PARD6B: variants seen among roughly 807,000 people sequenced by gnomAD.
PARD6B encodes the protein par-6 family cell polarity regulator beta.
A neutral mutation model predicts 10.5 loss-of-function variants in PARD6B; 4 were observed. The ratio of observed to expected loss-of-function variants is 0.38; its 90% confidence interval spans 0.19 to 0.87. The LOEUF is 0.87. PARD6B is among the 40% of genes least tolerant of loss of function. PARD6B has a pLI of 0.41. For missense variants in PARD6B, 396 were observed against 470.6 expected (o/e 0.84, Z 1.47); for synonymous variants, 169 against 170.4 (o/e 0.99, Z 0.07).
intron 1 of PARD6B, 45 bp from the exon 2 acceptor site, chr20:50,737,812 T>C: frequency 7.5e-7 from 1 of 1,331,270 alleles, no homozygotes; most frequent in Admixed American, 2.7e-5. Flanking sequence ...TGGGTCCTTT[T>C]ACTTTTTTTT....
intron 1 of PARD6B, among the ~76,000 whole-genome samples, chr20:50,735,722 C>T (rs1417862713): frequency 6.6e-6 from 1 of 152,068 alleles, no homozygotes; most frequent in African/African-American, 2.4e-5. Context: ...TGAAGCCATA[C>T]AATTTTTTAT....
At chr20:50,732,877 A>G (rs1233838347) in intron 1 of PARD6B, among the ~76,000 whole-genome samples, 1 of 149,512 alleles carries the variant, frequency 6.7e-6, no homozygotes, top group Non-Finnish European at 1.5e-5. Flanking sequence ...AAAACACAGA[A>G]AAGGAGAAAA....
chr20:50,750,822 C>T lies in PARD6B; in HGVS notation c.*334C>T, dbSNP rs952321016. The T allele has an allele frequency of 6.5e-6, 7 of 1,072,630 alleles. No homozygotes were observed. The East Asian group carries it at 3.6e-4, about 54-fold the overall frequency. 66.4% of individuals were successfully genotyped at this position (1,072,630 alleles called of 1,614,324 possible). A position where few individuals can be genotyped will look rare whatever the true frequency, so the allele number is the denominator to read the frequency against. The stretch of plus-strand genomic sequence containing the variant: ...TGTTGGAAGTGGTTGCATATTTAAC[C>T]TGCTGTGCAGAGCCCAGTTAATTTT... On this transcript the variant is annotated 3_prime_UTR_variant, in exon 3 of 3. Transcript: ENST00000371610.
In PARD6B at chr20:50,750,255, A is replaced by G. The variant is rs1220834633; in HGVS notation, c.886A>G (p.Ile296Val). The G allele has an allele frequency of 1.2e-6, 2 of 1,614,216 alleles. No homozygotes were observed. The highest frequency in any genetic ancestry group is 1.7e-6 in the Non-Finnish European group (2 of 1,180,038). The change falls in exon 3 of 3, where the codon ATT (isoleucine) becomes GTT (valine). Residue 296 changes from isoleucine to valine, a missense_variant. By Grantham distance (29) the Ile-to-Val change is conservative (BLOSUM62 3). Transcript: ENST00000371610. ...GGATGAAGACAGCGAAGAAGATGAC[A>G]TTATCATTGAAGACAATGGAGTGCC... ...PEDEDSEEDD[I>V]IIEDNGVPQQ...
intron 1 of PARD6B, among the ~76,000 whole-genome samples, chr20:50,734,333 A>C (rs1300117524): frequency 6.6e-6 from 1 of 152,036 alleles, no homozygotes; most frequent in Non-Finnish European, 1.5e-5. Context: ...TTTATAACCA[A>C]AACTAGGTAG....
intron 1 of PARD6B, among the ~76,000 whole-genome samples, chr20:50,737,551 A>G (rs931459421): frequency 2.0e-5 from 3 of 152,166 alleles, no homozygotes; most frequent in African/African-American, 4.8e-5. Flanking sequence ...GGCTCCAGAC[A>G]GGGTTTGAGC....
intron 2 of PARD6B, among the ~76,000 whole-genome samples, chr20:50,745,128 T>G (rs2087559019): frequency 1.3e-5 from 2 of 152,202 alleles, no homozygotes; most frequent in South Asian, 4.1e-4. Flanking sequence ...ATATTTAATC[T>G]TTTTAAAGTT....
chr20:50,735,641 G>A (rs1009703285), intron 1 of PARD6B, among the ~76,000 whole-genome samples: 11 of 152,120 alleles, frequency 7.2e-5, no homozygotes, highest in African/African-American at 2.7e-4. Flanking sequence ...TTGTTGTGTT[G>A]CAAGAAGCAT....
chr20:50,740,858 T>G (rs1466661080), intron 2 of PARD6B, among the ~76,000 whole-genome samples: 1 of 152,224 alleles, frequency 6.6e-6, no homozygotes, highest in African/African-American at 2.4e-5. Flanking sequence ...AAATCCCTTC[T>G]GATTTGGACT....
chr20:50,742,879 C>G (rs532683795), intron 2 of PARD6B, among the ~76,000 whole-genome samples: 5 of 152,268 alleles, frequency 3.3e-5, no homozygotes, highest in African/African-American at 4.8e-5. Context: ...ACCCCATACT[C>G]TATTCCTAGA....
intron 2 of PARD6B, 59 bp from the exon 3 acceptor site, chr20:50,749,600 G>A (rs566853493): frequency 2.9e-6 from 4 of 1,377,618 alleles, no homozygotes; most frequent in Non-Finnish European, 2.9e-6. Flanking sequence ...AGATTCAGCT[G>A]CAAGTGAATA....
At chr20:50,734,468 T>C (rs1160146869) in intron 1 of PARD6B, among the ~76,000 whole-genome samples, 1 of 152,074 alleles carries the variant, frequency 6.6e-6, no homozygotes, top group Non-Finnish European at 1.5e-5. Flanking sequence ...GATTTCAGCC[T>C]CCTGAGTAGC....
At position 50,750,169 on chromosome 20, in the gene PARD6B, A is replaced by G. The variant is rs1223069046; in HGVS notation, c.800A>G (p.Gln267Arg). ...AGTCGGACTTCTGGCAGTTCCGGTCAGTCTACTGATAACAGCCTTCTTGGC... is the reference window on the plus strand; with the variant it reads ...AGTCGGACTTCTGGCAGTTCCGGTCGGTCTACTGATAACAGCCTTCTTGGC... The part of the protein sequence containing the change: ...RNSRTSGSSG[Q>R]STDNSLLGYP... Residue 267 changes from glutamine (Q) to arginine (R), a missense_variant, in exon 3 of 3, where the codon CAG becomes CGG. Gln to Arg is a conservative substitution (Grantham distance 43, BLOSUM62 1). Coordinates refer to ENST00000371610, the MANE Select transcript of PARD6B (RefSeq NM_032521.3). 8.7e-6 allele frequency: 14 copies of G among 1,614,266 alleles called. No homozygotes were observed. Among genetic ancestry groups the G allele is most frequent in the Non-Finnish European group, 1.2e-5 (14 of 1,180,044 alleles).
intron 2 of PARD6B, among the ~76,000 whole-genome samples, chr20:50,743,630 T>G (rs1157855020): frequency 6.6e-6 from 1 of 152,148 alleles, no homozygotes; most frequent in Non-Finnish European, 1.5e-5. Flanking sequence ...AATTACAGCC[T>G]GTAATCCCAG....
intron 1 of PARD6B, 58 bp downstream of exon 1, chr20:50,731,910 G>C: frequency 1.5e-6 from 2 of 1,320,698 alleles, no homozygotes; most frequent in Non-Finnish European, 1.9e-6. Context: ...GCCTGGGAGA[G>C]GCCGGGCCAG....
At position 50,753,073 on chromosome 20, in the gene PARD6B, CTCTT is replaced by C. The variant is rs1042187965; in HGVS notation, c.*2587_*2590del. On this transcript the variant is annotated 3_prime_UTR_variant, in exon 3 of 3. Coordinates refer to ENST00000371610, the MANE Select transcript of PARD6B (RefSeq NM_032521.3). ...AAAAATATTTTTACACACTACCTCT[CTCTT>C]TTTTTTTTTAAAGTTTTAACATCAG... 2.9e-4 allele frequency: 285 copies of C among 966,368 alleles called. No individual in the cohort carries two copies. The highest frequency in any genetic ancestry group is 3.8e-4 in the Admixed American group (6 of 15,894). 59.9% of individuals were successfully genotyped at this position (966,368 alleles called of 1,614,324 possible). A position where few individuals can be genotyped will look rare whatever the true frequency, so the allele number is the denominator to read the frequency against.
chr20:50,732,266 G>A (rs1301420808), intron 1 of PARD6B, among the ~76,000 whole-genome samples: 1 of 152,226 alleles, frequency 6.6e-6, no homozygotes, highest in Admixed American at 6.5e-5. Flanking sequence ...TGTGGTTAAG[G>A]GGCGCATCGA....
intron 2 of PARD6B, among the ~76,000 whole-genome samples, chr20:50,738,301 CT>C (rs2123700664): frequency 6.6e-6 from 1 of 152,258 alleles, no homozygotes; most frequent in African/African-American, 2.4e-5. Flanking sequence ...TTTCTAGTTA[CT>C]TTTGTGTTAA....
chr20:50,740,074 ATAATCT>A (rs2087523213), intron 2 of PARD6B, among the ~76,000 whole-genome samples: 1 of 152,224 alleles, frequency 6.6e-6, no homozygotes, highest in Non-Finnish European at 1.5e-5. Context: ...CTTAGGACAA[ATAATCT>A]TAACCAGTCA....
Sources: allele counts gnomAD v4.1 joint callset (sites outside exome capture counted in the v4.1 genomes callset), GRCh38; gene constraint gnomAD v4.1.1; transcripts MANE v1.5; gene names NCBI Gene and HGNC (gene_info 2026-07-23, HGNC 2026-07-21).